The following EEA1 variants were observed in gnomAD, a reference collection of about 807,000 sequenced individuals.
The protein encoded by EEA1 is early endosome antigen 1, 162kD.
Under a neutral mutation model 209.2 loss-of-function variants are expected in EEA1, and 111 were observed. The ratio of observed to expected loss-of-function variants is 0.53; its 90% CI spans 0.45 to 0.62. The LOEUF is 0.62. EEA1 is among the 20% of genes least tolerant of loss of function. The pLI is 0.00. For synonymous variants in EEA1, 536 were observed against 540.6 expected, an observed-to-expected ratio of 0.99 and a Z score of 0.12; for missense variants, 1,343 against 1,530.8, an observed-to-expected ratio of 0.88 and a Z score of 2.05.
intron 25 of EEA1, among the ~76,000 whole-genome samples, chr12:92,778,766 A>G (rs1873771228): frequency 6.6e-6 from 1 of 152,066 alleles, no homozygotes; most frequent in African/African-American, 2.4e-5. Flanking sequence ...GCTCCCCCTT[A>G]TCAACATTCG....
At chr12:92,796,091 A>C (rs984551126) in intron 21 of EEA1, among the ~76,000 whole-genome samples, 3 of 152,142 alleles carry the variant, frequency 2.0e-5, no homozygotes, top group African/African-American at 7.2e-5. Context: ...TAAATGAAAA[A>C]AAAAACAGAT....
intron 1 of EEA1, among the ~76,000 whole-genome samples, chr12:92,905,045 A>AC (rs1231144459): frequency 6.6e-6 from 1 of 152,140 alleles, no homozygotes; most frequent in Non-Finnish European, 1.5e-5. Context: ...GTCTATGGCA[A>AC]CAAGTCCCCA....
At chr12:92,910,857 T>C (rs1332571019) in intron 1 of EEA1, among the ~76,000 whole-genome samples, 2 of 152,136 alleles carry the variant, frequency 1.3e-5, no homozygotes, top group Admixed American at 1.3e-4. Context: ...AAAGAAGATA[T>C]ACAGATGGCA....
chr12:92,902,732 TTC>T (rs1880203679), intron 1 of EEA1, among the ~76,000 whole-genome samples: 1 of 125,464 alleles, frequency 8.0e-6, no homozygotes, highest in African/African-American at 2.9e-5. Context: ...CAGGGCGAAA[TTC>T]TGTCTTAAAA....
chr12:92,814,972 G>A (rs1261056477), intron 15 of EEA1, among the ~76,000 whole-genome samples: 1 of 152,080 alleles, frequency 6.6e-6, no homozygotes, highest in Non-Finnish European at 1.5e-5. Context: ...AGCACTTTTG[G>A]TTGACATTCT....
intron 1 of EEA1, among the ~76,000 whole-genome samples, chr12:92,899,124 A>G (rs1424251168): frequency 2.6e-4 from 9 of 34,082 alleles, no homozygotes; most frequent in Non-Finnish European, 4.9e-4. Flanking sequence ...ATCTCTGGCC[A>G]AAGGCAAAAA....
chr12:92,923,085 C>T (rs896450838), intron 1 of EEA1, among the ~76,000 whole-genome samples: 26 of 152,122 alleles, frequency 1.7e-4, no homozygotes, highest in Non-Finnish European at 3.2e-4. Context: ...CGGTGGCTCA[C>T]GCCTGTAATC....
At chr12:92,795,817 T>C (rs942901108) in intron 21 of EEA1, among the ~76,000 whole-genome samples, 2 of 152,234 alleles carry the variant, frequency 1.3e-5, no homozygotes, top group Non-Finnish European at 2.9e-5. Context: ...CACATTTTCT[T>C]TTCTAAAATA....
At chr12:92,827,323 C>T (rs1876357686) in intron 12 of EEA1, among the ~76,000 whole-genome samples, 2 of 152,064 alleles carry the variant, frequency 1.3e-5, no homozygotes, top group South Asian at 2.1e-4. Context: ...CATTACACTC[C>T]AGCCAGGGTG....
intron 17 of EEA1, 116 bp downstream of exon 17, chr12:92,811,163 A>G: frequency 1.4e-6 from 1 of 712,088 alleles, no homozygotes; most frequent in East Asian, 3.4e-5. Flanking sequence ...TAAAAATTTT[A>G]TACCACAACT....
intron 1 of EEA1, among the ~76,000 whole-genome samples, chr12:92,898,619 G>A (rs1400070943): frequency 2.0e-5 from 3 of 149,398 alleles, no homozygotes; most frequent in South Asian, 2.1e-4. Context: ...AGCCGAGATC[G>A]TGCCACCGCA....
intron 1 of EEA1, among the ~76,000 whole-genome samples, chr12:92,901,475 A>G (rs1006784306): frequency 3.3e-5 from 5 of 152,326 alleles, no homozygotes; most frequent in Non-Finnish European, 4.4e-5. Flanking sequence ...GTAAACAGAG[A>G]AAAAAACAAG....
chr12:92,827,823 A>G (rs1819034800), intron 12 of EEA1, 89 bp downstream of exon 12: 15 of 1,347,012 alleles, frequency 1.1e-5, no homozygotes, highest in Non-Finnish European at 1.4e-5. Context: ...AAAAAGTCCA[A>G]TTAAAGCTTT....
intron 1 of EEA1, among the ~76,000 whole-genome samples, chr12:92,909,226 G>T (rs1880492989): frequency 6.6e-6 from 1 of 152,146 alleles, no homozygotes; most frequent in Admixed American, 6.5e-5. Context: ...CCACTCAAAG[G>T]AACCAGAATT....
At chr12:92,799,653 G>A (rs1392797334) in intron 20 of EEA1, among the ~76,000 whole-genome samples, 1 of 152,028 alleles carries the variant, frequency 6.6e-6, no homozygotes, top group Non-Finnish European at 1.5e-5. Context: ...CGGGTGTGGT[G>A]GCAGGTGCCT....
At position 92,776,930 on chromosome 12, in the gene EEA1, G is replaced by A; in HGVS notation, c.4027C>T (p.Gln1343Ter). 6.2e-7 allele frequency: 1 copy of A among 1,611,390 alleles called. No homozygotes were observed. Among genetic ancestry groups the A allele is most frequent in the Non-Finnish European group, 8.5e-7 (1 of 1,178,220 alleles). Residue 1343 changes from glutamine (Q) to a stop codon, truncating the protein, a stop_gained, in exon 28 of 29, where the codon CAA becomes TAA. Transcript: ENST00000322349. LOFTEE classifies it high-confidence loss of function. ...TCGGCCCACTTTCTATTCAACGCTT[G>A]TGTATGTTTGATCTGTTTTTTAAAG... is the stretch of plus-strand genomic sequence containing the variant. ...ENQSLQIKHT[Q>*]ALNRKWAEDN...
chr12:92,896,272 T>C (rs1879878366), intron 1 of EEA1, among the ~76,000 whole-genome samples: 1 of 152,126 alleles, frequency 6.6e-6, no homozygotes, highest in South Asian at 2.1e-4. Context: ...GCGCCTGGCA[T>C]GACTGATAAT....
chr12:92,819,918 G>A (rs543613834), intron 13 of EEA1, among the ~76,000 whole-genome samples: 4 of 152,062 alleles, frequency 2.6e-5, no homozygotes, highest in East Asian at 1.9e-4. Context: ...TTTACTCCCC[G>A]TTCAACTGTT....
intron 11 of EEA1, among the ~76,000 whole-genome samples, chr12:92,830,521 AATTAT>A (rs2136691197): frequency 6.6e-6 from 1 of 152,312 alleles, no homozygotes; most frequent in African/African-American, 2.4e-5. Context: ...TAAAAAAAAA[AATTAT>A]AAAAAGTGAC....
Sources: allele counts gnomAD v4.1 joint callset (sites outside exome capture counted in the v4.1 genomes callset), GRCh38; gene constraint gnomAD v4.1.1; transcripts MANE v1.5; gene names NCBI Gene and HGNC (gene_info 2026-07-23, HGNC 2026-07-21).